Variants in ENTPD7 observed in about 807,000 individuals in gnomAD.
ENTPD7 encodes NTPDase 7.
A neutral mutation model predicts 77.9 loss-of-function variants in ENTPD7; 53 were observed. That is an observed-to-expected ratio of 0.68 (90% confidence interval 0.55 to 0.85). The LOEUF (loss-of-function observed/expected upper bound fraction) is 0.85. Ranked by LOEUF, ENTPD7 falls within the 40% of genes least tolerant of loss-of-function variation. The probability of loss-of-function intolerance (pLI) is 0.00; values close to 1 mark genes in which losing one functional copy is unlikely to be tolerated. For synonymous variants in ENTPD7, 248 were observed against 274.9 expected, an observed-to-expected ratio of 0.90 and a Z score of 0.97; for missense variants, 636 against 743.7, an observed-to-expected ratio of 0.86 and a Z score of 1.68.
chr10:99,663,358 G>A (rs756834967), intron 3 of ENTPD7, among the ~76,000 whole-genome samples: 58 of 151,798 alleles, frequency 3.8e-4, no homozygotes, highest in Non-Finnish European at 6.8e-4. Context: ...TCTCTGTATA[G>A]AATGTATCTT....
rs1230933537 is a variant in ENTPD7, at chr10:99,702,571, C to A, written c.1481C>A (p.Pro494His). Residue 494 changes from proline (P) to histidine (H), a missense_variant, in exon 12 of 13, where the codon CCC becomes CAC. Transcript: ENST00000370489. ...GTCTTACATGAAGGATTCCACTTTC[C>A]CTATGACTACCCAAACCTGCGGACA... Reference protein sequence around the residue: ...YQVLHEGFHFPYDYPNLRTAQ... With the variant: ...YQVLHEGFHFHYDYPNLRTAQ... 6.2e-7 allele frequency: 1 copy of A among 1,612,770 alleles called. No homozygotes were observed. The highest frequency in any genetic ancestry group is 2.2e-5 in the East Asian group (1 of 44,788).
At chr10:99,662,657 G>A (rs2035500653) in intron 3 of ENTPD7, among the ~76,000 whole-genome samples, 1 of 43,600 alleles carries the variant, frequency 2.3e-5, no homozygotes, top group Admixed American at 2.8e-4. Flanking sequence ...GAATGCTGAA[G>A]GGACGGAGAA....
intron 8 of ENTPD7, among the ~76,000 whole-genome samples, chr10:99,693,099 G>C (rs113435589): frequency 2.0e-5 from 3 of 152,138 alleles, no homozygotes; most frequent in African/African-American, 7.2e-5. Flanking sequence ...TAGGGTGGGA[G>C]GATGGCCAGC....
intron 10 of ENTPD7, 150 bp from the exon 11 acceptor site, chr10:99,700,823 A>G (rs1434153069): frequency 2.8e-6 from 2 of 704,214 alleles, no homozygotes; most frequent in Admixed American, 4.3e-5. Context: ...GGTATGACGC[A>G]GTGTTTAGTG....
chr10:99,710,709 C>T lies in ENTPD7; in HGVS notation c.*6026C>T. On this transcript the variant is annotated 3_prime_UTR_variant, in exon 13 of 13. Transcript: ENST00000370489. ...TAACCCACCATTCATCCCAGGACCACAAGGGTAGCTGTAGATAAACTGGTT... is the reference window on the plus strand; with the variant it reads ...TAACCCACCATTCATCCCAGGACCATAAGGGTAGCTGTAGATAAACTGGTT... 1.0e-6 allele frequency: 1 copy of T among 985,372 alleles called. No individual in the cohort carries two copies. The highest frequency in any genetic ancestry group is 4.7e-5 in the South Asian group (1 of 21,278). The allele number at this position is 985,372 out of a possible 1,614,324, so 61.0% of individuals were successfully genotyped here.
chr10:99,668,605 A>C (rs1430760389), intron 3 of ENTPD7, among the ~76,000 whole-genome samples: 2 of 152,228 alleles, frequency 1.3e-5, no homozygotes, highest in Admixed American at 6.5e-5. Flanking sequence ...TGATTGACTA[A>C]TCAAATGTCA....
chr10:99,668,123 C>T (rs1233591257), intron 3 of ENTPD7, among the ~76,000 whole-genome samples: 1 of 151,800 alleles, frequency 6.6e-6, no homozygotes, highest in African/African-American at 2.4e-5. Context: ...TTAGTAGAGA[C>T]AGGGTTTCAC....
intron 7 of ENTPD7, among the ~76,000 whole-genome samples, chr10:99,689,034 A>G (rs1325056949): frequency 6.6e-6 from 1 of 151,760 alleles, no homozygotes; most frequent in Non-Finnish European, 1.5e-5. Context: ...ATATCCCCCC[A>G]TGTATTAAAG....
At chr10:99,700,474 TAA>T (rs1390182476) in intron 10 of ENTPD7, among the ~76,000 whole-genome samples, 12 of 151,618 alleles carry the variant, frequency 7.9e-5, no homozygotes, top group Non-Finnish European at 1.2e-4. Flanking sequence ...CACTAGAATG[TAA>T]GCTTCCTGAG....
intron 5 of ENTPD7, among the ~76,000 whole-genome samples, chr10:99,685,320 C>T (rs1244909273): frequency 6.6e-6 from 1 of 152,214 alleles, no homozygotes; most frequent in African/African-American, 2.4e-5. Context: ...ACCAACAGTA[C>T]ATCTTGTGTG....
chr10:99,659,767 C>A lies in ENTPD7; in HGVS notation c.-95-95C>A. 1.4e-6 allele frequency: 1 copy of A among 708,628 alleles called. No individual in the cohort carries two copies. The highest frequency in any genetic ancestry group is 2.3e-6 in the Non-Finnish European group (1 of 436,194). The allele number at this position is 708,628 out of a possible 1,614,324, so 43.9% of individuals were successfully genotyped here. A position where few individuals can be genotyped will look rare whatever the true frequency, so the allele number is the denominator to read the frequency against. ...GCCTGAGGAACCAGAGCAGACGGAG[C>A]GGGAGCCTGGGGAGGAGGTGGGAGC... On this transcript the variant is annotated intron_variant, in intron 1 of 12. Transcript: ENST00000370489. This position sits in a 1 kb window ranked among gnomAD's most constrained non-coding sequence, Gnocchi z 4.1.
At chr10:99,660,542 AC>A in intron 2 of ENTPD7, 1 of 347,860 alleles carries the variant, frequency 2.9e-6, no homozygotes, top group Non-Finnish European at 5.7e-6. Flanking sequence ...ACACACACAC[AC>A]ACACACACAC....
intron 2 of ENTPD7, chr10:99,660,251 G>A (rs2035461871): frequency 2.2e-6 from 2 of 924,210 alleles, no homozygotes; most frequent in Non-Finnish European, 2.6e-6. Context: ...AAGGCTAGGT[G>A]CCACTTGAGG....
At chr10:99,661,981 G>A (rs2035493167) in intron 3 of ENTPD7, among the ~76,000 whole-genome samples, 1 of 152,052 alleles carries the variant, frequency 6.6e-6, no homozygotes, top group Non-Finnish European at 1.5e-5. Context: ...TACTAGTCTG[G>A]TATTAATATA....
Position 99,709,308 on chromosome 10 carries a change from T to A in ENTPD7, c.*4625T>A, listed in dbSNP as rs991564987. 2 of 985,406 alleles carry A rather than the reference T, an allele frequency of 2.0e-6. No individual in the cohort carries two copies. Among genetic ancestry groups the A allele is most frequent in the Non-Finnish European group, 2.4e-6 (2 of 829,914 alleles). 61.0% of individuals were successfully genotyped at this position (985,406 alleles called of 1,614,324 possible). A position where few individuals can be genotyped will look rare whatever the true frequency, so the allele number is the denominator to read the frequency against. Reference sequence around the variant, plus strand: ...TTAATTCAAAACTAGTATCTAATTGTCCTTTTTGCTGTGGTATGTGGTGTA... The same window carrying A: ...TTAATTCAAAACTAGTATCTAATTGACCTTTTTGCTGTGGTATGTGGTGTA... On this transcript the variant is annotated 3_prime_UTR_variant, in exon 13 of 13. Transcript: ENST00000370489.
At chr10:99,686,031 G>A (rs1377940263) in intron 6 of ENTPD7, 136 bp downstream of exon 6, 6 of 571,126 alleles carry the variant, frequency 1.1e-5, no homozygotes, top group Non-Finnish European at 1.5e-5. Context: ...CTGCTACATA[G>A]TTGATTTGAT....
rs777066131 is a variant in ENTPD7 at position 99,685,386 on chromosome 10, CT to C, written c.549-404del. Among the ~76,000 whole-genome samples, 4 of 152,220 alleles carry C rather than the reference CT, an allele frequency of 2.6e-5. No individual in the cohort carries two copies. The East Asian group carries it at 7.7e-4, about 29-fold the overall frequency. On this transcript the variant is annotated intron_variant, in intron 5 of 12. Coordinates refer to ENST00000370489, the MANE Select transcript of ENTPD7 (RefSeq NM_020354.5). ...AAGATTTGAGGATGAGATTGTGTTCCTTAATTTAACATCTTTGTTTTACAGT... is the reference window on the plus strand; with the variant it reads ...AAGATTTGAGGATGAGATTGTGTTCCTAATTTAACATCTTTGTTTTACAGT...
In ENTPD7 at chr10:99,688,698, T is replaced by A. The variant is rs768595998; in HGVS notation, c.657T>A (p.Val219=). Residue 219 remains valine (V), a synonymous_variant, in exon 7 of 13, where the codon GTT becomes GTA. Coordinates refer to ENST00000370489, the MANE Select transcript of ENTPD7 (RefSeq NM_020354.5). Reference sequence around the variant, plus strand: ...GCTTTTCTGTTTCTTACTTAGGGGTTTATGCATGGATTGGAATCAACTTTG... The same window carrying A: ...GCTTTTCTGTTTCTTACTTAGGGGTATATGCATGGATTGGAATCAACTTTG... ...AEVISGKQEG[V]YAWIGINFVL... 10 of 1,613,788 alleles carry A rather than the reference T, an allele frequency of 6.2e-6. No homozygotes were observed. Among genetic ancestry groups the A allele is most frequent in the Non-Finnish European group, 8.5e-6 (10 of 1,179,900 alleles).
rs2036275030 is a variant in ENTPD7, at chr10:99,707,457, T to C, written c.*2774T>C. On this transcript the variant is annotated 3_prime_UTR_variant, in exon 13 of 13. Coordinates refer to ENST00000370489, the MANE Select transcript of ENTPD7 (RefSeq NM_020354.5). ...TCTTCCTTATAATAAAATAATTTGC[T>C]TCTAGGAGCAGAAATCTATCTTGCC... 1.3e-5 allele frequency among the ~76,000 whole-genome samples: 2 copies of C among 152,276 alleles called. No individual in the cohort carries two copies. The highest frequency in any genetic ancestry group is 4.8e-5 in the African/African-American group (2 of 41,480).
Sources: allele counts gnomAD v4.1 joint callset (sites outside exome capture counted in the v4.1 genomes callset), GRCh38; gene constraint gnomAD v4.1.1; non-coding constraint Gnocchi (gnomAD v3.1); transcripts MANE v1.5; gene names NCBI Gene and HGNC (gene_info 2026-07-23, HGNC 2026-07-21).